Variants in ALDH5A1 observed in about 807,000 individuals in gnomAD.
ALDH5A1 encodes succinate-semialdehyde dehydrogenase, mitochondrial.
ALDH5A1 carries 33 observed loss-of-function variants against 54.7 expected under a neutral mutation model. The observed-to-expected ratio is 0.60, with a 90% confidence interval of 0.46 to 0.81. The LOEUF (loss-of-function observed/expected upper bound fraction) is 0.81, where lower values mean the gene tolerates loss of function less well. Among genes scored for constraint, ALDH5A1 ranks in the 30% least tolerant of loss-of-function variants. The pLI is 0.00. For synonymous variants in ALDH5A1, 294 were observed against 292.7 expected, an observed-to-expected ratio of 1.00 and a Z score of -0.05; for missense variants, 657 against 711.0, an observed-to-expected ratio of 0.92 and a Z score of 0.86.
intron 1 of ALDH5A1, among the ~76,000 whole-genome samples, chr6:24,501,309 C>T (rs1764813406): frequency 6.6e-6 from 1 of 152,094 alleles, no homozygotes; most frequent in Non-Finnish European, 1.5e-5. Context: ...CTTTTCTTCC[C>T]CTGTAGTTGC....
rs569425951 is a variant in ALDH5A1, at chr6:24,519,546, C to A, written c.871-855C>A. On this transcript the variant is annotated intron_variant, in intron 5 of 9. Transcript: ENST00000357578. ...CGCCACTGCACTACAGCCTGGGCAA[C>A]AGAGCGAGACTCCATCTCAATAATA... 8.5e-5 allele frequency among the ~76,000 whole-genome samples: 13 copies of A among 152,130 alleles called. No homozygotes were observed. In the South Asian group the frequency reaches 1.5e-3, roughly 17 times the overall value.
intron 4 of ALDH5A1, among the ~76,000 whole-genome samples, chr6:24,514,654 T>C (rs1317022773): frequency 6.6e-6 from 1 of 151,910 alleles, no homozygotes; most frequent in African/African-American, 2.4e-5. Context: ...CACTTGAATC[T>C]GGGAGACAGA....
chr6:24,507,477 T>TC (rs59847217), intron 4 of ALDH5A1, among the ~76,000 whole-genome samples: 1 of 152,092 alleles, frequency 6.6e-6, no homozygotes, highest in Non-Finnish European at 1.5e-5. Context: ...TTGGTTTTTT[T>TC]CCCCCTTTAT....
At chr6:24,517,549 A>C (rs4083410) in intron 5 of ALDH5A1, among the ~76,000 whole-genome samples, 3,530 of 152,326 alleles carry the variant, frequency 0.023, 139 homozygotes, top group African/African-American at 0.075. Context: ...AAGCGTTGTA[A>C]ATCCTTCTCA....
At chr6:24,531,538 G>C (rs141052202) in intron 8 of ALDH5A1, among the ~76,000 whole-genome samples, 2 of 152,130 alleles carry the variant, frequency 1.3e-5, no homozygotes, top group Non-Finnish European at 2.9e-5. Flanking sequence ...AGAACTTTTT[G>C]CCCCAGTTAC....
chr6:24,530,403 C>T (rs1759912005), intron 8 of ALDH5A1, among the ~76,000 whole-genome samples: 1 of 152,080 alleles, frequency 6.6e-6, no homozygotes, highest in South Asian at 2.1e-4. Context: ...TTCTGTCTCC[C>T]GTGGTATAGG....
chr6:24,524,239 C>A (rs747114999), intron 7 of ALDH5A1, among the ~76,000 whole-genome samples: 1 of 152,138 alleles, frequency 6.6e-6, no homozygotes, highest in Non-Finnish European at 1.5e-5. Flanking sequence ...CCTGCCTCGG[C>A]CTCCCAAAGT....
chr6:24,499,727 C>T (rs1404473284), intron 1 of ALDH5A1, among the ~76,000 whole-genome samples: 1 of 32,058 alleles, frequency 3.1e-5, no homozygotes, highest in Non-Finnish European at 7.8e-5. Flanking sequence ...AGTGCAGTGG[C>T]GCAGTCTCGG....
At chr6:24,501,787 AAAAC>A (rs1182430876) in intron 1 of ALDH5A1, among the ~76,000 whole-genome samples, 3 of 151,904 alleles carry the variant, frequency 2.0e-5, no homozygotes, top group Non-Finnish European at 4.4e-5. Context: ...CCCTGTCTCA[AAAAC>A]AAACAATCAA....
intron 7 of ALDH5A1, among the ~76,000 whole-genome samples, chr6:24,524,082 T>C (rs1194411178): frequency 1.3e-5 from 2 of 149,958 alleles, no homozygotes; most frequent in African/African-American, 4.9e-5. Flanking sequence ...CCCCACTGAG[T>C]TCAATTGATT....
rs182441757 is a variant in ALDH5A1, at chr6:24,525,009, T to C, written c.1173+2084T>C. On this transcript the variant is annotated intron_variant, in intron 7 of 9. Transcript: ENST00000357578. Reference sequence around the variant, plus strand: ...GCAGACATTGTCCTCCAGATGGTGCTGTACGCCAGGACTTCAAACAAGCAG... The same window carrying C: ...GCAGACATTGTCCTCCAGATGGTGCCGTACGCCAGGACTTCAAACAAGCAG... Among the ~76,000 whole-genome samples, 348 of 152,318 alleles carry C rather than the reference T, an allele frequency of 2.3e-3. 2 individuals carry two copies. The highest frequency in any genetic ancestry group is 4.2e-3 in the Non-Finnish European group (283 of 68,028).
At chr6:24,500,309 T>C (rs1764794532) in intron 1 of ALDH5A1, among the ~76,000 whole-genome samples, 1 of 152,170 alleles carries the variant, frequency 6.6e-6, no homozygotes, top group Non-Finnish European at 1.5e-5. Context: ...TTATGCCTCA[T>C]GCATGCCCCA....
At chr6:24,519,773 G>A (rs1308845396) in intron 5 of ALDH5A1, among the ~76,000 whole-genome samples, 4 of 147,190 alleles carry the variant, frequency 2.7e-5, no homozygotes, top group Admixed American at 6.7e-5. Flanking sequence ...TTTTTTAAAT[G>A]TACATGTACC....
intron 7 of ALDH5A1, 33 bp from the exon 8 acceptor site, chr6:24,527,964 T>A: frequency 6.2e-7 from 1 of 1,611,874 alleles, no homozygotes; most frequent in South Asian, 1.1e-5. Flanking sequence ...GATTGTATCA[T>A]GTGGAAAGCT....
chr6:24,498,726 G>A (rs577269102), intron 1 of ALDH5A1, among the ~76,000 whole-genome samples: 2 of 152,324 alleles, frequency 1.3e-5, no homozygotes, highest in South Asian at 4.1e-4. Flanking sequence ...CACTTTGGGA[G>A]GCCAAGGCGA....
In ALDH5A1 at chr6:24,520,432, AAAGGGTCTCTATGGAG is replaced by A; in HGVS notation, c.903_918del (p.Lys301AsnfsTer9). On this transcript the variant is annotated frameshift_variant, in exon 6 of 10. Transcript: ENST00000357578. LOFTEE classifies it high-confidence loss of function. The stretch of plus-strand genomic sequence containing the variant: ...TTGCACCACGCAGCAAACTCTGTGA[AAAGGGTCTCTATGGAG>A]CTGGGCGGCCTTGCTCCATTTATAG... 6.2e-7 allele frequency: 1 copy of A among 1,614,166 alleles called. No homozygotes were observed. Among genetic ancestry groups the A allele is most frequent in the Non-Finnish European group, 8.5e-7 (1 of 1,180,036 alleles).
chr6:24,526,856 ATTC>A (rs1561878333), intron 7 of ALDH5A1, among the ~76,000 whole-genome samples: 1 of 136,640 alleles, frequency 7.3e-6, no homozygotes, highest in Non-Finnish European at 1.5e-5. Flanking sequence ...ATATATATAT[ATTC>A]TATATATATA....
intron 4 of ALDH5A1, among the ~76,000 whole-genome samples, chr6:24,507,921 T>A (rs1218438632): frequency 6.6e-6 from 1 of 152,130 alleles, no homozygotes; most frequent in Non-Finnish European, 1.5e-5. Flanking sequence ...TGTAGTCTTT[T>A]ATCCCTTGCC....
At chr6:24,498,656 C>G (rs145076722) in intron 1 of ALDH5A1, among the ~76,000 whole-genome samples, 2 of 152,308 alleles carry the variant, frequency 1.3e-5, no homozygotes, top group South Asian at 2.1e-4. Flanking sequence ...TCTCAGGGAA[C>G]CTTCCTTTTT....
Sources: gnomAD v4.1 joint callset for allele counts (sites outside exome capture counted in the v4.1 genomes callset) on GRCh38, gnomAD v4.1.1 for gene constraint, MANE v1.5 for transcripts, NCBI Gene and HGNC (gene_info 2026-07-23, HGNC 2026-07-21) for gene names.